PROM1: variants seen among roughly 807,000 people sequenced by gnomAD.
PROM1 encodes prominin-1.
Under a neutral mutation model 116.9 loss-of-function variants are expected in PROM1, and 105 were observed. The observed-to-expected ratio is 0.90, with a 90% CI of 0.77 to 1.06. The LOEUF (loss-of-function observed/expected upper bound fraction) is 1.06. Ranked by LOEUF, PROM1 falls within the 50% of genes least tolerant of loss-of-function variation. The probability of loss-of-function intolerance (pLI) is 0.00; values close to 1 mark genes in which losing one functional copy is unlikely to be tolerated. For synonymous variants in PROM1, 393 were observed against 387.0 expected (o/e 1.02, Z -0.18); for missense variants, 1,122 against 1,045.2 (o/e 1.07, Z -1.01).
At chr4:15,994,950 A>G (rs2149141191) in intron 15 of PROM1, among the ~76,000 whole-genome samples, 1 of 152,320 alleles carries the variant, frequency 6.6e-6, no homozygotes, top group East Asian at 1.9e-4. Context: ...GCTCTGCAGG[A>G]GCCAGAATCA....
At chr4:15,996,821 A>G (rs73122452) in intron 15 of PROM1, among the ~76,000 whole-genome samples, 1,541 of 152,304 alleles carry the variant, frequency 0.01, 37 homozygotes, top group African/African-American at 0.035. Context: ...TGAGAGAATA[A>G]TAAGAACACT....
intron 22 of PROM1, among the ~76,000 whole-genome samples, chr4:15,984,643 G>A (rs1189101507): frequency 6.6e-6 from 1 of 152,256 alleles, no homozygotes; most frequent in Non-Finnish European, 1.5e-5. Flanking sequence ...TCCACCTCCT[G>A]TCAGAGCAGC....
chr4:15,989,715 AC>A lies in PROM1; in HGVS notation c.2076+16del. ...TGCTCAGGTCACAGTGAAATACAAT[AC>A]GTCGTTGACTGTTACCAGTGATTGT... is the stretch of plus-strand genomic sequence containing the variant. On this transcript the variant is annotated intron_variant, in intron 19 of 27. Coordinates refer to ENST00000447510, the MANE Select transcript of PROM1 (RefSeq NM_006017.3). 1.3e-6 allele frequency: 2 copies of A among 1,566,714 alleles called. No homozygotes were observed. Among genetic ancestry groups the A allele is most frequent in the Non-Finnish European group, 1.7e-6 (2 of 1,145,778 alleles).
intron 11 of PROM1, among the ~76,000 whole-genome samples, chr4:16,012,729 G>C (rs1727201395): frequency 6.6e-6 from 1 of 151,854 alleles, no homozygotes; most frequent in Non-Finnish European, 1.5e-5. Context: ...AAATTAGCCG[G>C]GTGTGGTGGC....
In PROM1 at chr4:16,000,559, AAAG is replaced by A; in HGVS notation, c.1512_1514del (p.Phe505del). 1 of 1,591,790 alleles carries A rather than the reference AAAG, an allele frequency of 6.3e-7. No homozygotes were observed. The highest frequency in any genetic ancestry group is 1.3e-5 in the African/African-American group (1 of 74,558). ...GTTTTTCCACATTTGCACCAAAGAC[AAAG>A]GTAAGAACCACAATGATCATCAATA... On this transcript the variant is annotated inframe_deletion, in exon 14 of 28. Transcript: ENST00000447510.
chr4:16,083,857 G>A (rs540699588), intron 1 of PROM1, 121 bp downstream of exon 1: 8 of 152,318 alleles, frequency 5.3e-5, no homozygotes, highest in African/African-American at 1.4e-4. Context: ...ACCCTCGGAC[G>A]TGGCGGGAGG....
In PROM1 at chr4:16,042,888, T is replaced by C. The variant is rs146829396; in HGVS notation, c.221-3887A>G. 1.8e-4 allele frequency among the ~76,000 whole-genome samples: 27 copies of C among 152,328 alleles called. No individual in the cohort carries two copies. The East Asian group carries it at 2.7e-3, about 15-fold the overall frequency. The stretch of plus-strand genomic sequence containing the variant: ...AACGGGAGCAACCCAGATACAGATA[T>C]GAAAATCCAGCTGACTTGCACTAAG... On this transcript the variant is annotated intron_variant, in intron 2 of 27. Transcript: ENST00000447510.
intron 15 of PROM1, among the ~76,000 whole-genome samples, chr4:15,994,527 G>T (rs114119460): frequency 3.9e-5 from 6 of 152,006 alleles, no homozygotes; most frequent in African/African-American, 1.5e-4. Flanking sequence ...CTAAATATAC[G>T]CTTAGACGTA....
intron 9 of PROM1, among the ~76,000 whole-genome samples, chr4:16,017,112 T>C (rs963537964): frequency 1.3e-5 from 2 of 152,308 alleles, no homozygotes; most frequent in East Asian, 3.9e-4. Context: ...TAAAAAGGCA[T>C]GATGATGTCT....
At chr4:16,043,491 T>C (rs927908404) in intron 2 of PROM1, among the ~76,000 whole-genome samples, 1 of 152,046 alleles carries the variant, frequency 6.6e-6, no homozygotes, top group African/African-American at 2.4e-5. Flanking sequence ...CGGGGAGAAA[T>C]GCTCACTAAC....
rs749128711 is a variant in PROM1 at position 16,033,412 on chromosome 4, C to T, written c.401G>A (p.Arg134His). 1.3e-5 allele frequency: 21 copies of T among 1,613,606 alleles called. No homozygotes were observed. The highest frequency in any genetic ancestry group is 1.6e-4 in the Middle Eastern group (1 of 6,082). ...TTCTCCACCACATTTGTTACAGCAACGACACATACAAAAGAAATACCCCAC... is the reference window on the plus strand; with the variant it reads ...TTCTCCACCACATTTGTTACAGCAATGACACATACAAAAGAAATACCCCAC... Reference protein sequence around the residue: ...PLVGYFFCMCRCCNKCGGEMH... With the variant: ...PLVGYFFCMCHCCNKCGGEMH... Residue 134 changes from arginine to histidine, a missense_variant, in exon 5 of 28, where the codon CGT becomes CAT. Arg to His is a conservative substitution (Grantham distance 29). Coordinates refer to ENST00000447510, the MANE Select transcript of PROM1 (RefSeq NM_006017.3).
intron 15 of PROM1, among the ~76,000 whole-genome samples, chr4:15,998,117 C>T (rs1722793607): frequency 6.6e-6 from 1 of 152,192 alleles, no homozygotes; most frequent in Non-Finnish European, 1.5e-5. Context: ...CCCATTAGTG[C>T]ATCGTAGGGT....
At chr4:16,033,211 G>T in intron 5 of PROM1, 93 bp downstream of exon 5, 6 of 1,077,730 alleles carry the variant, frequency 5.6e-6, no homozygotes, top group South Asian at 1.9e-5. Context: ...TTGCTATTTT[G>T]TTTAGTTTTA....
intron 26 of PROM1, among the ~76,000 whole-genome samples, chr4:15,976,945 C>G (rs1716290279): frequency 1.3e-5 from 2 of 152,188 alleles, no homozygotes; most frequent in African/African-American, 4.8e-5. Flanking sequence ...GCCCTGGGAG[C>G]AGTGACTGGG....
intron 19 of PROM1, among the ~76,000 whole-genome samples, chr4:15,988,696 A>G (rs972497935): frequency 2.6e-5 from 4 of 152,190 alleles, no homozygotes; most frequent in Non-Finnish European, 5.9e-5. Flanking sequence ...TGTACTTGGG[A>G]AAAAAGCATT....
intron 5 of PROM1, among the ~76,000 whole-genome samples, chr4:16,027,297 A>AACACACACACAC (rs144910885): frequency 0.16 from 22,910 of 146,980 alleles, 2,027 homozygotes; most frequent in Admixed American, 0.25. Flanking sequence ...GTGAAGAAGA[A>AACACACACACAC]ACACACACAC....
At chr4:16,004,213 A>T (rs1724599738) in intron 13 of PROM1, among the ~76,000 whole-genome samples, 1 of 152,232 alleles carries the variant, frequency 6.6e-6, no homozygotes, top group South Asian at 2.1e-4. Flanking sequence ...TAAAGAAATC[A>T]TAGCCACCCT....
At position 15,995,601 on chromosome 4, in the gene PROM1, G is replaced by A. The variant is rs893069125; in HGVS notation, c.1683-1530C>T. 1.1e-4 allele frequency among the ~76,000 whole-genome samples: 16 copies of A among 152,266 alleles called. No homozygotes were observed. In the East Asian group the frequency reaches 2.9e-3, roughly 28 times the overall value. ...TTAACTTTGTATTTGGCCCCAAAGTGGTAGTGGGATTTTTAAAAGCTCCCA... is the reference window on the plus strand; with the variant it reads ...TTAACTTTGTATTTGGCCCCAAAGTAGTAGTGGGATTTTTAAAAGCTCCCA... On this transcript the variant is annotated intron_variant, in intron 15 of 27. Coordinates refer to ENST00000447510, the MANE Select transcript of PROM1 (RefSeq NM_006017.3).
intron 2 of PROM1, among the ~76,000 whole-genome samples, chr4:16,072,741 C>T (rs576434185): frequency 3.1e-4 from 47 of 152,330 alleles, no homozygotes; most frequent in Non-Finnish European, 5.3e-4. Flanking sequence ...AGTTCTAAAC[C>T]TCCCAGTTGC....
Sources: gnomAD v4.1 joint callset for allele counts (sites outside exome capture counted in the v4.1 genomes callset) on GRCh38, gnomAD v4.1.1 for gene constraint, MANE v1.5 for transcripts, NCBI Gene and HGNC (gene_info 2026-07-23, HGNC 2026-07-21) for gene names.